The following RTL4 variants were observed in gnomAD, a reference collection of about 807,000 sequenced individuals.
The protein encoded by RTL4 is retrotransposon Gag-like protein 4.
Under a neutral mutation model 5.3 loss-of-function variants are expected in RTL4, and 4 were observed. That is an observed-to-expected ratio of 0.75 (90% CI 0.37 to 1.72). The LOEUF is 1.72. RTL4 is among the 40% of genes most tolerant of loss of function. The probability of loss-of-function intolerance (pLI) is 0.04; values close to 1 mark genes in which losing one functional copy is unlikely to be tolerated. For missense variants in RTL4, 260 were observed against 227.1 expected (o/e 1.14, Z -0.93); for synonymous variants, 98 against 87.3 (o/e 1.12, Z -0.68).
chrX:112,286,281 G>A, the RTL4 span, among the ~76,000 whole-genome samples: 5 of 112,026 alleles, frequency 4.5e-5, no homozygotes, highest in Admixed American at 1.9e-4. Flanking sequence ...ATAATGACTG[G>A]GGAGTAGTAG....
At chrX:112,225,243 C>G in the RTL4 span, among the ~76,000 whole-genome samples, 4 of 111,540 alleles carry the variant, frequency 3.6e-5, no homozygotes, top group Non-Finnish European at 7.5e-5. Flanking sequence ...CAAGACTAAA[C>G]CTTGGTCTCT....
chrX:112,412,968 T>C, the RTL4 span, among the ~76,000 whole-genome samples: 2 of 111,621 alleles, frequency 1.8e-5, no homozygotes, highest in East Asian at 5.6e-4. Context: ...TGACAAGGGA[T>C]TAATAACTAG....
At chrX:112,287,589 C>G in the RTL4 span, among the ~76,000 whole-genome samples, 1 of 111,543 alleles carries the variant, frequency 9.0e-6, no homozygotes, top group East Asian at 2.8e-4. Context: ...TGTCTGTACT[C>G]TCAAGGGGAC....
At chrX:112,086,350 A>C in the RTL4 span, among the ~76,000 whole-genome samples, 1 of 112,695 alleles carries the variant, frequency 8.9e-6, no homozygotes, top group Non-Finnish European at 1.9e-5. Flanking sequence ...GAAAGTTTCT[A>C]ACTACTTGCA....
chrX:112,217,538 C>T, the RTL4 span, among the ~76,000 whole-genome samples: 2 of 111,704 alleles, frequency 1.8e-5, no homozygotes, highest in African/African-American at 6.5e-5. Flanking sequence ...TCATTGATCT[C>T]CTTGGATTTT....
At chrX:112,310,757 T>C in the RTL4 span, among the ~76,000 whole-genome samples, 8 of 78,919 alleles carry the variant, frequency 1.0e-4, no homozygotes, top group Non-Finnish European at 1.8e-4. Context: ...TAAAATAATA[T>C]ATTTCAATAT....
chrX:112,172,864 A>G, the RTL4 span, among the ~76,000 whole-genome samples: 1 of 111,356 alleles, frequency 9.0e-6, no homozygotes. Context: ...AGGGACATGG[A>G]TAGAGCTGGA....
the RTL4 span, among the ~76,000 whole-genome samples, chrX:112,308,365 T>C: frequency 9.0e-6 from 1 of 111,501 alleles, no homozygotes; most frequent in Non-Finnish European, 1.9e-5. Context: ...CCCTAATGAA[T>C]AAGGATATCA....
At chrX:112,339,949 A>C in the RTL4 span, among the ~76,000 whole-genome samples, 1 of 112,627 alleles carries the variant, frequency 8.9e-6, no homozygotes, top group Admixed American at 9.4e-5. Flanking sequence ...GTGCCAATAA[A>C]ACTTAATTTA....
At chrX:112,229,092 C>G in the RTL4 span, among the ~76,000 whole-genome samples, 1 of 111,904 alleles carries the variant, frequency 8.9e-6, no homozygotes, top group South Asian at 3.8e-4. Context: ...CCTCATTCAT[C>G]CCACTAATTA....
chrX:112,205,957 C>A, the RTL4 span, among the ~76,000 whole-genome samples: 2 of 111,901 alleles, frequency 1.8e-5, no homozygotes, highest in Admixed American at 1.9e-4. Context: ...TTTTAAATTG[C>A]GTACACATCT....
chrX:112,098,635 T>G, the RTL4 span, among the ~76,000 whole-genome samples: 1 of 111,526 alleles, frequency 9.0e-6, no homozygotes, highest in African/African-American at 3.3e-5. Flanking sequence ...TTTCCTGACT[T>G]TTTAATGATC....
chrX:112,085,489 G>T, the RTL4 span, among the ~76,000 whole-genome samples: 1 of 111,905 alleles, frequency 8.9e-6, no homozygotes, highest in African/African-American at 3.3e-5. Context: ...CAGAGAGTGG[G>T]GTTTTCCCAG....
chrX:112,405,617 G>A, the RTL4 span, among the ~76,000 whole-genome samples: 1 of 111,459 alleles, frequency 9.0e-6, no homozygotes, highest in Non-Finnish European at 1.9e-5. Flanking sequence ...AGTAGATGGA[G>A]GCTATGCATT....
At chrX:112,223,322 T>C in the RTL4 span, among the ~76,000 whole-genome samples, 1 of 112,481 alleles carries the variant, frequency 8.9e-6, no homozygotes, top group Non-Finnish European at 1.9e-5. Flanking sequence ...ATACAGATAA[T>C]TCCCTGACAA....
chrX:112,176,432 T>C, the RTL4 span, among the ~76,000 whole-genome samples: 1 of 111,866 alleles, frequency 8.9e-6, no homozygotes, highest in Non-Finnish European at 1.9e-5. Context: ...GATCTCCCCT[T>C]AATTAGAAAT....
At chrX:112,175,021 T>G in the RTL4 span, among the ~76,000 whole-genome samples, 2 of 87,334 alleles carry the variant, frequency 2.3e-5, no homozygotes, top group Non-Finnish European at 2.2e-5. Context: ...TTCTCCCATT[T>G]TGTAGGTTGC....
chrX:112,282,581 G>A, the RTL4 span, among the ~76,000 whole-genome samples: 30 of 111,641 alleles, frequency 2.7e-4, no homozygotes, highest in Non-Finnish European at 4.1e-4. Context: ...ATAACTTTGC[G>A]TAGTACAGAC....
chrX:112,232,921 G>C, the RTL4 span, among the ~76,000 whole-genome samples: 121 of 111,117 alleles, frequency 1.1e-3, 1 homozygote, highest in South Asian at 0.047. Context: ...TTTTGGATCT[G>C]ATTCTCAGGA....
Sources: gnomAD v4.1 joint callset for allele counts (sites outside exome capture counted in the v4.1 genomes callset) on GRCh38, gnomAD v4.1.1 for gene constraint, MANE v1.5 for transcripts, NCBI Gene and HGNC (gene_info 2026-07-23, HGNC 2026-07-21) for gene names.